IL7: variants seen among roughly 807,000 people sequenced by gnomAD.
IL7 encodes the protein interleukin-7.
A neutral mutation model predicts 21.6 loss-of-function variants in IL7; 3 were observed. The observed-to-expected ratio is 0.14, with a 90% confidence interval of 0.06 to 0.36. The LOEUF (loss-of-function observed/expected upper bound fraction) is 0.36, where lower values mean the gene tolerates loss of function less well. IL7 is among the 10% of genes least tolerant of loss of function. The probability of loss-of-function intolerance (pLI) is 1.00; values close to 1 mark genes in which losing one functional copy is unlikely to be tolerated. For synonymous variants in IL7, 62 were observed against 68.1 expected (o/e 0.91, Z 0.44); for missense variants, 175 against 200.2 (o/e 0.87, Z 0.76).
intron 1 of IL7, 91 bp downstream of exon 1, chr8:78,804,822 A>C: frequency 6.8e-7 from 1 of 1,461,838 alleles, no homozygotes; most frequent in Admixed American, 1.8e-5. Flanking sequence ...CTATTCCCGG[A>C]CTTGCCTAGG....
chr8:78,690,519 C>T (rs2130508329), intron 3 of IL7, among the ~76,000 whole-genome samples: 2 of 150,268 alleles, frequency 1.3e-5, no homozygotes, highest in South Asian at 2.1e-4. Flanking sequence ...TAGATCATGC[C>T]ACTGCACTCC....
intron 2 of IL7, among the ~76,000 whole-genome samples, chr8:78,779,601 T>A (rs2130805080): frequency 1.3e-5 from 2 of 152,304 alleles, no homozygotes; most frequent in South Asian, 4.1e-4. Flanking sequence ...TTGATCATGG[T>A]GGATAAGCTT....
In IL7 at chr8:78,804,995, C is replaced by T. The variant is rs958263529; in HGVS notation, c.-73G>A. ...AGCAAGCTCTCACCGCCCATAGTCA[C>T]TCCCAGGACCCTGGTCTTCCGCGGA... On this transcript the variant is annotated 5_prime_UTR_variant, in exon 1 of 6. It adds an upstream start codon to the 5' untranslated region. Transcript: ENST00000263851. 7.0e-5 allele frequency: 107 copies of T among 1,531,580 alleles called. No homozygotes were observed. Among genetic ancestry groups the T allele is most frequent in the Non-Finnish European group, 7.7e-5 (86 of 1,121,340 alleles). 94.9% of individuals were successfully genotyped at this position (1,531,580 alleles called of 1,614,324 possible). A position where few individuals can be genotyped will look rare whatever the true frequency, so the allele number is the denominator to read the frequency against.
intron 2 of IL7, among the ~76,000 whole-genome samples, chr8:78,753,709 C>T (rs192462988): frequency 2.0e-5 from 3 of 152,032 alleles, no homozygotes; most frequent in Non-Finnish European, 4.4e-5. Context: ...GGTTTTAGGT[C>T]GTATGTTTAA....
downstream of IL7, chr8:78,715,399 A>G: frequency 7.3e-7 from 1 of 1,372,004 alleles, no homozygotes; most frequent in East Asian, 2.4e-5. Flanking sequence ...AGGACCATAC[A>G]CAAAAGTAAG....
chr8:78,771,015 A>G (rs577303951), intron 2 of IL7, among the ~76,000 whole-genome samples: 1 of 152,164 alleles, frequency 6.6e-6, no homozygotes, highest in East Asian at 1.9e-4. Flanking sequence ...CATAGAAATG[A>G]CGAACTTCAT....
At chr8:78,800,448 C>A (rs189492650) in intron 1 of IL7, among the ~76,000 whole-genome samples, 1 of 152,286 alleles carries the variant, frequency 6.6e-6, no homozygotes, top group Admixed American at 6.5e-5. Flanking sequence ...CAGGGTGCCC[C>A]ACCATGCCCA....
intron 2 of IL7, chr8:78,760,081 T>TA (rs1812497552): frequency 6.9e-7 from 1 of 1,453,986 alleles, no homozygotes. Context: ...GTGGCCTACA[T>TA]ACACCTTACG....
intron 3 of IL7, chr8:78,689,174 G>A (rs1442208008): frequency 8.3e-6 from 11 of 1,319,848 alleles, no homozygotes; most frequent in Middle Eastern, 4.5e-4. Context: ...TTTAATGTCC[G>A]TTTCAAGTAC....
chr8:78,687,837 TTA>T (rs35546691), intron 3 of IL7, among the ~76,000 whole-genome samples: 74,416 of 101,416 alleles, frequency 0.73, 30,598 homozygotes, highest in East Asian at 0.96. Flanking sequence ...ATGTAATAAA[TTA>T]TATATATATT....
At chr8:78,731,028 A>G, downstream of IL7, among the ~76,000 whole-genome samples, 1 of 151,972 alleles carries the variant, frequency 6.6e-6, no homozygotes, top group East Asian at 1.9e-4. Flanking sequence ...GCCCGTACAG[A>G]ACACCATAAA....
chr8:78,678,535 G>T (rs760969794), intron 4 of IL7: 1 of 1,551,194 alleles, frequency 6.4e-7, no homozygotes, highest in Admixed American at 1.9e-5. Context: ...AAAAGAAAAT[G>T]ATAGGCTGCA....
intron 4 of IL7, among the ~76,000 whole-genome samples, chr8:78,679,604 A>C (rs1197322626): frequency 6.6e-6 from 1 of 152,162 alleles, no homozygotes; most frequent in African/African-American, 2.4e-5. Flanking sequence ...TGTATTGCTA[A>C]GAATAAATTA....
chr8:78,783,318 C>T (rs981774576), intron 2 of IL7, among the ~76,000 whole-genome samples: 2 of 152,322 alleles, frequency 1.3e-5, no homozygotes, highest in South Asian at 2.1e-4. Context: ...GATGGCCAAT[C>T]ACTCACTGCC....
At chr8:78,715,226 A>T (rs946923379), downstream of IL7, 1 of 1,613,318 alleles carries the variant, frequency 6.2e-7, no homozygotes, top group African/African-American at 1.3e-5. Flanking sequence ...TATAGAGCTA[A>T]TGTCAAACCC....
At chr8:78,676,779 T>C (rs1275565940) in intron 4 of IL7, among the ~76,000 whole-genome samples, 7 of 152,136 alleles carry the variant, frequency 4.6e-5, no homozygotes, top group Middle Eastern at 3.4e-3. Flanking sequence ...TCTTATCAAT[T>C]TATTATTTTT....
chr8:78,798,828 T>C (rs1034180820), intron 1 of IL7, among the ~76,000 whole-genome samples: 20 of 152,108 alleles, frequency 1.3e-4, no homozygotes, highest in Non-Finnish European at 1.5e-4. Context: ...CTATCTTCTG[T>C]CTCTGAGTCC....
At chr8:78,727,900 A>G (rs183442552), downstream of IL7, among the ~76,000 whole-genome samples, 2 of 152,108 alleles carry the variant, frequency 1.3e-5, no homozygotes, top group African/African-American at 4.8e-5. Context: ...GCTACAACTA[A>G]TAAGTGAGTT....
In IL7 at chr8:78,709,932, A is replaced by G. The variant is rs548627216; in HGVS notation, n.214+11416T>C. 2.0e-4 allele frequency among the ~76,000 whole-genome samples: 31 copies of G among 152,238 alleles called. No homozygotes were observed. In the South Asian group the frequency reaches 6.4e-3, roughly 32 times the overall value. ...TTATTTCAGAAATCATCTTTTTGTT[A>G]TATCTCAATCTACAGTACTTGCTAC... On this transcript the variant is annotated intron_variant and non_coding_transcript_variant, in intron 3 of 4. Transcript: ENST00000523959.
Sources: allele counts gnomAD v4.1 joint callset (sites outside exome capture counted in the v4.1 genomes callset), GRCh38; gene constraint gnomAD v4.1.1; transcripts MANE v1.5; gene names NCBI Gene and HGNC (gene_info 2026-07-23, HGNC 2026-07-21).